Variants in TNK2 observed in about 807,000 individuals in gnomAD.
TNK2 encodes the protein tyrosine kinase non receptor 2.
In TNK2, 83 loss-of-function variants were observed where a neutral mutation model predicts 101.8. The observed-to-expected ratio is 0.82, with a 90% CI of 0.68 to 0.98. TNK2 has a LOEUF of 0.98. TNK2 is among the 50% of genes least tolerant of loss of function. TNK2 has a pLI of 0.00. For synonymous variants in TNK2, 804 were observed against 633.0 expected (o/e 1.27, Z -4.06); for missense variants, 1,665 against 1,483.2 (o/e 1.12, Z -2.01).
Position 195,867,480 on chromosome 3 carries a change from TGGA to T in TNK2, c.2815_2817del (p.Ser939del), listed in dbSNP as rs760480326. The T allele has an allele frequency of 2.1e-5, 33 of 1,570,718 alleles. No homozygotes were observed. In the Admixed American group the frequency reaches 2.5e-4, roughly 12 times the overall value. The stretch of plus-strand genomic sequence containing the variant: ...CGGGCCCCTGGGTTGCTGTTGTTGG[TGGA>T]GAAGTTGGCCTTGGGGTCCAAGGCA... On this transcript the variant is annotated inframe_deletion, in exon 13 of 16. Transcript: ENST00000672887.
At chr3:195,900,153 C>T (rs928344329) in intron 1 of TNK2, among the ~76,000 whole-genome samples, 1 of 152,072 alleles carries the variant, frequency 6.6e-6, no homozygotes, top group South Asian at 2.1e-4. Flanking sequence ...AAGGAAGGTG[C>T]CTTCTCATCG....
At chr3:195,895,250 G>A (rs1010123446) in intron 1 of TNK2, 3 of 1,543,344 alleles carry the variant, frequency 1.9e-6, no homozygotes, top group African/African-American at 1.4e-5. Context: ...CATTACCTGC[G>A]GTCCCTCCTC....
chr3:195,881,540 C>A (rs1406063004), intron 6 of TNK2, among the ~76,000 whole-genome samples: 1 of 105,140 alleles, frequency 9.5e-6, no homozygotes, highest in Non-Finnish European at 1.9e-5. Flanking sequence ...TAACACCCCC[C>A]CCAGCAATGC....
At chr3:195,892,503 A>ACC in intron 1 of TNK2, 1 of 1,533,924 alleles carries the variant, frequency 6.5e-7, no homozygotes, top group African/African-American at 1.4e-5. Flanking sequence ...ACGCAGCGGG[A>ACC]CCCCCCCGAG....
In TNK2 at chr3:195,872,392, G is replaced by A. The variant is rs150767247; in HGVS notation, c.1335C>T (p.Ser445=). The A allele has an allele frequency of 1.6e-4, 252 of 1,613,236 alleles. 1 individual carries two copies. Among genetic ancestry groups the A allele is most frequent in the Admixed American group, 1.0e-4 (6 of 59,974 alleles). ...TGTCCTGGGCCGACAGGCCGGCCAC[G>A]GAGGTCACCACGTTGCGAGGGAAGG... ...VGPFPRNVVT[S]VAGLSAQDIS... is the part of the protein sequence containing the mutation. Residue 445 remains serine, a synonymous_variant, in exon 10 of 16, where the codon TCC becomes TCT. Coordinates refer to ENST00000672887, the MANE Select transcript of TNK2 (RefSeq NM_001382273.1).
chr3:195,880,377 C>T (rs1178776469), intron 6 of TNK2, among the ~76,000 whole-genome samples: 2 of 151,988 alleles, frequency 1.3e-5, no homozygotes, highest in Admixed American at 6.6e-5. Context: ...AGAAATGCCC[C>T]TTGGAGAGGA....
At chr3:195,891,810 G>C (rs142696733) in intron 1 of TNK2, 6 of 507,784 alleles carry the variant, frequency 1.2e-5, no homozygotes, top group African/African-American at 2.1e-5. Context: ...AGCCATGCCC[G>C]GGGTGGTCAG....
Position 195,868,534 on chromosome 3 carries a change from G to T in TNK2, c.1764C>A (p.Phe588Leu). The T allele has an allele frequency of 6.4e-7, 1 of 1,564,378 alleles. No homozygotes were observed. Among genetic ancestry groups the T allele is most frequent in the Non-Finnish European group, 8.6e-7 (1 of 1,163,898 alleles). The change falls in exon 13 of 16, where the codon TTC (phenylalanine) becomes TTA (leucine). Residue 588 changes from phenylalanine (F) to leucine (L), a missense_variant. Phe to Leu is a conservative substitution (Grantham distance 22, BLOSUM62 0). Transcript: ENST00000672887. ...GSGAEVTLIDFGEEPVVPALR... is the reference protein window; with the variant it reads ...GSGAEVTLIDLGEEPVVPALR... ...GGGCCGGGACCACGGGCTCCTCACC[G>T]AAGTCGATGAGCGTGACCTCAGCCC...
At chr3:195,884,759 A>G in intron 4 of TNK2, 53 bp downstream of exon 4, 2 of 1,517,290 alleles carry the variant, frequency 1.3e-6, no homozygotes, top group South Asian at 2.4e-5. Flanking sequence ...AAGAGCCACT[A>G]CCAGCCCCGG....
intron 9 of TNK2, among the ~76,000 whole-genome samples, chr3:195,874,516 CTCCGAGGCACAA>C (rs1275822742): frequency 1.3e-5 from 2 of 150,958 alleles, no homozygotes; most frequent in African/African-American, 4.9e-5. Context: ...CCCACGCACA[CTCCGAGGCACAA>C]GAAACTCCCC....
At chr3:195,895,859 G>A (rs1177026981) in intron 1 of TNK2, 6 of 155,920 alleles carry the variant, frequency 3.8e-5, no homozygotes, top group African/African-American at 1.2e-4. Context: ...AGCCTGCCCC[G>A]GCGGCCACTC....
At chr3:195,897,968 C>T (rs780920911) in intron 1 of TNK2, among the ~76,000 whole-genome samples, 137 of 152,050 alleles carry the variant, frequency 9.0e-4, no homozygotes, top group Non-Finnish European at 4.3e-4. Context: ...GTGCTATCTC[C>T]ATTCCTGAAT....
intron 1 of TNK2, among the ~76,000 whole-genome samples, chr3:195,890,480 A>T (rs1757960367): frequency 7.0e-6 from 1 of 142,876 alleles, no homozygotes; most frequent in South Asian, 2.2e-4. Flanking sequence ...TTTTTGAGAC[A>T]GAGTGAGACT....
Position 195,878,623 on chromosome 3 carries a change from C to G in TNK2, c.1015-31G>C, listed in dbSNP as rs924541636. On this transcript the variant is annotated intron_variant, in intron 7 of 15. Transcript: ENST00000672887. The surrounding 1 kb of genome is among the most constrained non-coding windows in gnomAD (Gnocchi z 4.7). ...GGTGAGGAGGTGCAGAGTTTGACGA[C>G]AAACAGAGCGCCCAGCCCTTCACTT... The G allele has an allele frequency of 1.9e-6, 3 of 1,602,578 alleles. No individual in the cohort carries two copies. The South Asian group carries it at 3.3e-5, about 18-fold the overall frequency.
In TNK2 at chr3:195,868,079, G is replaced by T; in HGVS notation, c.2219C>A (p.Pro740Gln). Residue 740 changes from proline (P) to glutamine (Q), a missense_variant, in exon 13 of 16, where the codon CCG becomes CAG. This residue lies in a region of TNK2 where 1,136 missense variants were observed against 894.9 expected (regional missense o/e 1.27). Coordinates refer to ENST00000672887, the MANE Select transcript of TNK2 (RefSeq NM_001382273.1). ...ACCCCCCGGGCTGGGAGAGGGGGCC[G>T]GGGAGCCGGCCGGAGCCTGCAGTTG... Reference protein sequence around the residue: ...MRQLQAPAGSPAPSPSPGGDD... With the variant: ...MRQLQAPAGSQAPSPSPGGDD... 6.2e-7 allele frequency: 1 copy of T among 1,607,506 alleles called. No homozygotes were observed. The highest frequency in any genetic ancestry group is 8.5e-7 in the Non-Finnish European group (1 of 1,178,114).
chr3:195,905,083 C>T (rs956278611), intron 1 of TNK2, among the ~76,000 whole-genome samples: 3 of 152,192 alleles, frequency 2.0e-5, no homozygotes, highest in Admixed American at 1.3e-4. Flanking sequence ...GATTTCAAGA[C>T]TTACTATAGT....
Position 195,867,430 on chromosome 3 carries a change from A to G in TNK2, c.2868T>C (p.Ala956=). 6.2e-7 allele frequency: 1 copy of G among 1,600,034 alleles called. No individual in the cohort carries two copies. The highest frequency in any genetic ancestry group is 8.5e-7 in the Non-Finnish European group (1 of 1,177,658). The change falls in exon 13 of 16, where the codon GCT becomes GCC. Residue 956 remains alanine, a synonymous_variant. Coordinates refer to ENST00000672887, the MANE Select transcript of TNK2 (RefSeq NM_001382273.1). ...GARPPPPRAT[A]RLPQRGCPGD... ...CAGGGCAGCCCCTCTGTGGCAGCCG[A>G]GCAGTGGCCCTCGGGGGTGGTGGCC...
At chr3:195,866,513 T>C (rs1426097198) in intron 15 of TNK2, among the ~76,000 whole-genome samples, 1 of 152,148 alleles carries the variant, frequency 6.6e-6, no homozygotes, top group African/African-American at 2.4e-5. Context: ...ACACTGAAAT[T>C]TTAAATGTTA....
chr3:195,873,201 G>C (rs1746644421), intron 9 of TNK2, among the ~76,000 whole-genome samples: 1 of 152,212 alleles, frequency 6.6e-6, no homozygotes, highest in African/African-American at 2.4e-5. Context: ...CCAGACAGTA[G>C]GGCTGCCAGT....
Sources: allele counts gnomAD v4.1 joint callset (sites outside exome capture counted in the v4.1 genomes callset), GRCh38; gene constraint gnomAD v4.1.1; regional missense constraint gnomAD v4.1.1; non-coding constraint Gnocchi (gnomAD v3.1); transcripts MANE v1.5; gene names NCBI Gene and HGNC (gene_info 2026-07-23, HGNC 2026-07-21).